The following MLYCD variants were observed in gnomAD, a reference collection of about 807,000 sequenced individuals.
The protein encoded by MLYCD is malonyl-CoA decarboxylase, also known as malonyl-CoA decarboxylase, mitochondrial.
A neutral mutation model predicts 35.8 loss-of-function variants in MLYCD; 27 were observed. The observed-to-expected ratio is 0.75, with a 90% CI of 0.56 to 1.04. The LOEUF is 1.04. Ranked by LOEUF, MLYCD falls within the 50% of genes least tolerant of loss-of-function variation. The pLI is 0.00. For synonymous variants in MLYCD, 403 were observed against 302.4 expected, an observed-to-expected ratio of 1.33 and a Z score of -3.45; for missense variants, 917 against 665.1, an observed-to-expected ratio of 1.38 and a Z score of -4.17.
chr16:83,914,785 G>C (rs1396240332), intron 4 of MLYCD, 171 bp from the exon 5 acceptor site: 2 of 982,908 alleles, frequency 2.0e-6, no homozygotes, highest in African/African-American at 3.2e-5. Flanking sequence ...ACTCTAAGAG[G>C]AAAAAAAGAA....
rs538134989 is a variant in MLYCD at position 83,922,205 on chromosome 16, C to G, written c.*6716C>G. The G allele has an allele frequency of 6.6e-6, 1 of 152,344 alleles. No individual in the cohort carries two copies. The highest frequency in any genetic ancestry group is 2.1e-4 in the South Asian group (1 of 4,812). The allele number at this position is 152,344 out of a possible 1,614,324, so 9.4% of individuals were successfully genotyped here. On this transcript the variant is annotated 3_prime_UTR_variant, in exon 5 of 5. Coordinates refer to ENST00000262430, the MANE Select transcript of MLYCD (RefSeq NM_012213.3). ...TCCCCATCTCAGTCTGAGGCCCGACCTGTGCTTCCGGAGCCCGCGTCCCGT... is the reference window on the plus strand; with the variant it reads ...TCCCCATCTCAGTCTGAGGCCCGACGTGTGCTTCCGGAGCCCGCGTCCCGT...
intron 3 of MLYCD, among the ~76,000 whole-genome samples, chr16:83,910,426 C>T (rs909769157): frequency 6.6e-6 from 1 of 152,018 alleles, no homozygotes; most frequent in South Asian, 2.1e-4. Flanking sequence ...GTGACTCGCG[C>T]CCAGAATCCC....
chr16:83,914,584 G>C, intron 4 of MLYCD: 1 of 337,368 alleles, frequency 3.0e-6, no homozygotes, highest in Non-Finnish European at 5.7e-6. Flanking sequence ...TGGGGAGTCA[G>C]GATGCCTCCA....
In MLYCD at chr16:83,925,718, C is replaced by G. The variant is rs546963592; in HGVS notation, c.*10229C>G. ...CTCAGTCTGGGACTCCCTGTCCTCCCTCCTTCCTGCGTGGCACATGCTCCT... is the reference window on the plus strand; with the variant it reads ...CTCAGTCTGGGACTCCCTGTCCTCCGTCCTTCCTGCGTGGCACATGCTCCT... On this transcript the variant is annotated 3_prime_UTR_variant, in exon 5 of 5. Coordinates refer to ENST00000262430, the MANE Select transcript of MLYCD (RefSeq NM_012213.3). The G allele has an allele frequency of 2.4e-4, 37 of 152,918 alleles. No individual in the cohort carries two copies. Among genetic ancestry groups the G allele is most frequent in the Non-Finnish European group, 1.0e-4 (7 of 68,362 alleles). The allele number at this position is 152,918 out of a possible 1,614,324, so 9.5% of individuals were successfully genotyped here.
rs1324339581 is a variant in MLYCD at position 83,926,928 on chromosome 16, A to T, written c.*11439A>T. The stretch of plus-strand genomic sequence containing the variant: ...AACAGGTGAATCGCTTGAATCCGGG[A>T]GGCGGAGGTTGCAGTTGGCCGAGAT... On this transcript the variant is annotated 3_prime_UTR_variant, in exon 5 of 5. Transcript: ENST00000262430. 1 of 152,196 alleles carries T rather than the reference A, an allele frequency of 6.6e-6. No individual in the cohort carries two copies. Among genetic ancestry groups the T allele is most frequent in the Non-Finnish European group, 1.5e-5 (1 of 68,044 alleles). 9.4% of individuals were successfully genotyped at this position (152,196 alleles called of 1,614,324 possible).
chr16:83,910,885 C>G (rs1305889220), intron 3 of MLYCD, among the ~76,000 whole-genome samples: 3 of 152,346 alleles, frequency 2.0e-5, no homozygotes, highest in Non-Finnish European at 2.9e-5. Context: ...GTTGGAGTCA[C>G]AGACCCTGTT....
rs1015199708 is a variant in MLYCD, at chr16:83,915,735, G to T, written c.*246G>T. ...ATGAGTGGGTTGCTGTGCTGTCTCC[G>T]GAAGATTCTGTCGTTGCCCTTGGCC... On this transcript the variant is annotated 3_prime_UTR_variant, in exon 5 of 5. Coordinates refer to ENST00000262430, the MANE Select transcript of MLYCD (RefSeq NM_012213.3). The T allele has an allele frequency of 1.4e-6, 2 of 1,388,214 alleles. No individual in the cohort carries two copies. The highest frequency in any genetic ancestry group is 2.9e-5 in the African/African-American group (2 of 68,870). The allele number at this position is 1,388,214 out of a possible 1,614,324, so 86.0% of individuals were successfully genotyped here. A position where few individuals can be genotyped will look rare whatever the true frequency, so the allele number is the denominator to read the frequency against.
Position 83,915,863 on chromosome 16 carries a change from C to A in MLYCD, c.*374C>A, listed in dbSNP as rs993469148. 4 of 1,184,442 alleles carry A rather than the reference C, an allele frequency of 3.4e-6. No homozygotes were observed. The highest frequency in any genetic ancestry group is 1.6e-5 in the African/African-American group (1 of 63,622). The allele number at this position is 1,184,442 out of a possible 1,614,324, so 73.4% of individuals were successfully genotyped here. A position where few individuals can be genotyped will look rare whatever the true frequency, so the allele number is the denominator to read the frequency against. ...GGGGATCTGGCATCCTCCTAAGGACCGGGGCGCGTGGCCCAGATAAGAATA... is the reference window on the plus strand; with the variant it reads ...GGGGATCTGGCATCCTCCTAAGGACAGGGGCGCGTGGCCCAGATAAGAATA... On this transcript the variant is annotated 3_prime_UTR_variant, in exon 5 of 5. Coordinates refer to ENST00000262430, the MANE Select transcript of MLYCD (RefSeq NM_012213.3).
Position 83,915,559 on chromosome 16 carries a change from AT to A in MLYCD, c.*71del. On this transcript the variant is annotated 3_prime_UTR_variant, in exon 5 of 5. Transcript: ENST00000262430. ...TCATTTTCAGGAGGGGCCGGGAGTT[AT>A]GTATCTGAAGCAGCTTTCCAAGCAA... The A allele has an allele frequency of 1.3e-6, 2 of 1,577,856 alleles. No individual in the cohort carries two copies. Among genetic ancestry groups the A allele is most frequent in the East Asian group, 4.5e-5 (2 of 44,412 alleles).
chr16:83,910,559 G>A (rs1454357467), intron 3 of MLYCD, among the ~76,000 whole-genome samples: 1 of 151,980 alleles, frequency 6.6e-6, no homozygotes, highest in Non-Finnish European at 1.5e-5. Flanking sequence ...GTGTGGTGGT[G>A]TGCACCTGTA....
At chr16:83,911,948 T>G in intron 3 of MLYCD, 1 of 477,084 alleles carries the variant, frequency 2.1e-6, no homozygotes, top group Non-Finnish European at 3.8e-6. Flanking sequence ...GAAAGGGGCA[T>G]ACATTGCTCT....
rs1907376829 is a variant in MLYCD at position 83,916,112 on chromosome 16, T to C, written c.*623T>C. 1 of 994,068 alleles carries C rather than the reference T, an allele frequency of 1.0e-6. No homozygotes were observed. Among genetic ancestry groups the C allele is most frequent in the African/African-American group, 1.7e-5 (1 of 57,372 alleles). The allele number at this position is 994,068 out of a possible 1,614,324, so 61.6% of individuals were successfully genotyped here. A position where few individuals can be genotyped will look rare whatever the true frequency, so the allele number is the denominator to read the frequency against. ...GAGGCATAAGTTGGATAATAGGCTT[T>C]AAATGATCAGGGATTCAGGTTCATA... is the stretch of plus-strand genomic sequence containing the variant. On this transcript the variant is annotated 3_prime_UTR_variant, in exon 5 of 5. Coordinates refer to ENST00000262430, the MANE Select transcript of MLYCD (RefSeq NM_012213.3).
chr16:83,913,943 G>A (rs1907278746), intron 4 of MLYCD: 1 of 151,926 alleles, frequency 6.6e-6, no homozygotes, highest in African/African-American at 2.4e-5. Context: ...AAAATCTTCT[G>A]TTTTTGAATT....
Position 83,899,318 on chromosome 16 carries a change from G to A in MLYCD, c.174G>A (p.Glu58=), listed in dbSNP as rs1428604351. 1 of 1,498,684 alleles carries A rather than the reference G, an allele frequency of 6.7e-7. No homozygotes were observed. Among genetic ancestry groups the A allele is most frequent in the Admixed American group, 2.1e-5 (1 of 46,852 alleles). The allele number at this position is 1,498,684 out of a possible 1,614,324, so 92.8% of individuals were successfully genotyped here. A position where few individuals can be genotyped will look rare whatever the true frequency, so the allele number is the denominator to read the frequency against. The change falls in exon 1 of 5, where the codon GAG becomes GAA. Residue 58 remains glutamate (E), a synonymous_variant. Coordinates refer to ENST00000262430, the MANE Select transcript of MLYCD (RefSeq NM_012213.3). ...VPPTPAYELR[E]KTPAPAEGQC... Reference sequence around the variant, plus strand: ...CGACGCCGGCCTACGAGCTGCGCGAGAAGACACCGGCGCCCGCCGAGGGTC... The same window carrying A: ...CGACGCCGGCCTACGAGCTGCGCGAAAAGACACCGGCGCCCGCCGAGGGTC...
Position 83,915,667 on chromosome 16 carries a change from C to G in MLYCD, c.*178C>G. On this transcript the variant is annotated 3_prime_UTR_variant, in exon 5 of 5. Coordinates refer to ENST00000262430, the MANE Select transcript of MLYCD (RefSeq NM_012213.3). ...TCAACTTCCCTCACCCTGGGCGTGA[C>G]ATGCACCCAGTGCAAGACGGTTGTG... is the stretch of plus-strand genomic sequence containing the variant. 2.0e-6 allele frequency: 3 copies of G among 1,494,880 alleles called. No homozygotes were observed. The highest frequency in any genetic ancestry group is 1.8e-6 in the Non-Finnish European group (2 of 1,125,410). 92.6% of individuals were successfully genotyped at this position (1,494,880 alleles called of 1,614,324 possible).
At chr16:83,911,378 C>T (rs964940811) in intron 3 of MLYCD, among the ~76,000 whole-genome samples, 1 of 152,200 alleles carries the variant, frequency 6.6e-6, no homozygotes, top group African/African-American at 2.4e-5. Context: ...AATCGAAGGT[C>T]GCTGGTAGAA....
intron 3 of MLYCD, among the ~76,000 whole-genome samples, chr16:83,911,458 G>GC (rs1367572256): frequency 6.6e-6 from 1 of 152,176 alleles, no homozygotes; most frequent in African/African-American, 2.4e-5. Context: ...TGAAAAGGTA[G>GC]CCCCCTGCTG....
chr16:83,902,857 G>C (rs542809724), intron 1 of MLYCD, among the ~76,000 whole-genome samples: 1 of 152,146 alleles, frequency 6.6e-6, no homozygotes, highest in African/African-American at 2.4e-5. Flanking sequence ...TGAGTTTGGA[G>C]GCTTGTTACT....
intron 1 of MLYCD, among the ~76,000 whole-genome samples, chr16:83,903,060 C>T (rs532592524): frequency 5.9e-5 from 9 of 152,016 alleles, no homozygotes; most frequent in South Asian, 2.1e-4. Context: ...GAAACCGAGT[C>T]GAATCCCCAG....
Sources: gnomAD v4.1 joint callset for allele counts (sites outside exome capture counted in the v4.1 genomes callset) on GRCh38, gnomAD v4.1.1 for gene constraint, MANE v1.5 for transcripts, NCBI Gene and HGNC (gene_info 2026-07-23, HGNC 2026-07-21) for gene names.